The following NKAIN1 variants were observed in gnomAD, a reference collection of about 807,000 sequenced individuals.
NKAIN1 encodes sodium/potassium-transporting ATPase subunit beta-1-interacting protein 1.
Under a neutral mutation model 31.6 loss-of-function variants are expected in NKAIN1, and 13 were observed. The ratio of observed to expected loss-of-function variants is 0.41; its 90% confidence interval spans 0.27 to 0.65. The LOEUF is 0.65. Ranked by LOEUF, NKAIN1 falls within the 30% of genes least tolerant of loss-of-function variation. The pLI is 0.30. For missense variants in NKAIN1, 193 were observed against 262.2 expected, an observed-to-expected ratio of 0.74 and a Z score of 1.82; for synonymous variants, 104 against 109.0, an observed-to-expected ratio of 0.95 and a Z score of 0.28.
At chr1:31,229,815 G>A (rs1476395361) in intron 1 of NKAIN1, among the ~76,000 whole-genome samples, 1 of 152,152 alleles carries the variant, frequency 6.6e-6, no homozygotes, top group Non-Finnish European at 1.5e-5. Context: ...CACCTGGGAA[G>A]AGAAGGAGCT....
At chr1:31,209,266 T>C (rs894667168) in intron 1 of NKAIN1, among the ~76,000 whole-genome samples, 14 of 152,292 alleles carry the variant, frequency 9.2e-5, no homozygotes, top group Non-Finnish European at 2.1e-4. Flanking sequence ...TCCCAGCTAC[T>C]TGGGAGGCTG....
rs1460527554 is a variant in NKAIN1, at chr1:31,181,956, C to T, written c.533-15G>A. On this transcript the variant is annotated splice_polypyrimidine_tract_variant and intron_variant, in intron 5 of 6. Transcript: ENST00000373736. ...GATGAAGTCAACTGCGGAAGAGGGG[C>T]GGCGCATGTTAGGGATCGGCGGCGG... is the stretch of plus-strand genomic sequence containing the variant. 2 of 1,600,386 alleles carry T rather than the reference C, an allele frequency of 1.2e-6. No homozygotes were observed. The highest frequency in any genetic ancestry group is 1.8e-5 in the Admixed American group (1 of 57,098).
chr1:31,232,999 A>G (rs1382394727), intron 1 of NKAIN1, among the ~76,000 whole-genome samples: 1 of 152,066 alleles, frequency 6.6e-6, no homozygotes, highest in Admixed American at 6.6e-5. Context: ...GGTTTTCTCA[A>G]TCTGTATCAC....
chr1:31,226,856 C>T (rs547472156), intron 1 of NKAIN1, among the ~76,000 whole-genome samples: 75 of 151,924 alleles, frequency 4.9e-4, no homozygotes, highest in African/African-American at 1.7e-3. Flanking sequence ...TACAGTCTTG[C>T]TCTGTTGCCC....
In NKAIN1 at chr1:31,181,849, C is replaced by G; in HGVS notation, c.614+11G>C. 1 of 1,601,834 alleles carries G rather than the reference C, an allele frequency of 6.2e-7. No homozygotes were observed. The highest frequency in any genetic ancestry group is 8.5e-7 in the Non-Finnish European group (1 of 1,174,986). On this transcript the variant is annotated intron_variant, in intron 6 of 6. Coordinates refer to ENST00000373736, the MANE Select transcript of NKAIN1 (RefSeq NM_024522.3). ...CAGGCCTCCCCAAGCCAGCAGGGGGCCGTGACCCACGTGTACAGAGGCTGC... is the reference window on the plus strand; with the variant it reads ...CAGGCCTCCCCAAGCCAGCAGGGGGGCGTGACCCACGTGTACAGAGGCTGC...
rs1000961858 is a variant in NKAIN1, at chr1:31,182,689, G to C, written c.472-99C>G. On this transcript the variant is annotated intron_variant, in intron 4 of 6. Transcript: ENST00000373736. ...TACGCTCTGACTGGCAAGGGAGGAG[G>C]CATGCCAGGATGAAGGCAAACCGTA... 6.8e-6 allele frequency: 9 copies of C among 1,321,630 alleles called. No individual in the cohort carries two copies. In the African/African-American group the frequency reaches 1.2e-4, roughly 17 times the overall value. 81.9% of individuals were successfully genotyped at this position (1,321,630 alleles called of 1,614,324 possible). A position where few individuals can be genotyped will look rare whatever the true frequency, so the allele number is the denominator to read the frequency against.
intron 1 of NKAIN1, among the ~76,000 whole-genome samples, chr1:31,220,754 CAAA>C (rs772908877): frequency 6.8e-5 from 4 of 58,912 alleles, no homozygotes; most frequent in Admixed American, 2.1e-4. Flanking sequence ...ACTCCATCTC[CAAA>C]AAAAAAAAAA....
At chr1:31,208,629 TGG>T (rs202124168) in intron 1 of NKAIN1, among the ~76,000 whole-genome samples, 1 of 76,252 alleles carries the variant, frequency 1.3e-5, no homozygotes, top group East Asian at 3.3e-4. Flanking sequence ...CCCCACATAG[TGG>T]GGGGAGGGGG....
chr1:31,230,926 A>G (rs1242582827), intron 1 of NKAIN1, among the ~76,000 whole-genome samples: 1 of 131,314 alleles, frequency 7.6e-6, no homozygotes, highest in Non-Finnish European at 1.6e-5. Context: ...CTTGTTGCCC[A>G]GGCCGGAGTG....
rs546502426 is a variant in NKAIN1, at chr1:31,233,591, C to A, written c.54+5903G>T. 2.0e-5 allele frequency among the ~76,000 whole-genome samples: 3 copies of A among 152,272 alleles called. No homozygotes were observed. The South Asian group carries it at 6.2e-4, about 32-fold the overall frequency. ...AGCAGACACCAAACAAAAAGAAATT[C>A]TCATTATGTTAATTTCCCACTCAGC... On this transcript the variant is annotated intron_variant, in intron 1 of 6. Coordinates refer to ENST00000373736, the MANE Select transcript of NKAIN1 (RefSeq NM_024522.3). This position sits in a 1 kb window ranked among gnomAD's most constrained non-coding sequence, Gnocchi z 4.0.
intron 1 of NKAIN1, among the ~76,000 whole-genome samples, chr1:31,209,563 A>T (rs908566391): frequency 4.6e-5 from 7 of 152,056 alleles, no homozygotes; most frequent in African/African-American, 1.7e-4. Flanking sequence ...TCATGCCTGT[A>T]ATCCCAATGT....
intron 1 of NKAIN1, among the ~76,000 whole-genome samples, chr1:31,218,799 TGGG>T (rs774531003): frequency 6.6e-6 from 1 of 152,226 alleles, no homozygotes; most frequent in Non-Finnish European, 1.5e-5. Flanking sequence ...ATTCCCAGGC[TGGG>T]CCCCAGACAG....
chr1:31,193,727 A>G (rs1450244207), intron 1 of NKAIN1: 2 of 152,098 alleles, frequency 1.3e-5, no homozygotes, highest in African/African-American at 4.8e-5. Flanking sequence ...ACCAAGTCAA[A>G]TATTACAGGA....
At chr1:31,232,424 T>TATATATATATATATATATATATAG (rs1313157898) in intron 1 of NKAIN1, among the ~76,000 whole-genome samples, 1 of 16,924 alleles carries the variant, frequency 5.9e-5, no homozygotes, top group Non-Finnish European at 1.1e-4. Flanking sequence ...TATATATATA[T>TATATATATATATATATATATATAG]AGAGAGAGAG....
chr1:31,227,779 T>C (rs1645618907), intron 1 of NKAIN1, among the ~76,000 whole-genome samples: 1 of 152,160 alleles, frequency 6.6e-6, no homozygotes, highest in Non-Finnish European at 1.5e-5. Context: ...ACAAGACCTT[T>C]CATGGCCCCG....
chr1:31,209,754 T>C (rs2377714), intron 1 of NKAIN1, among the ~76,000 whole-genome samples: 113,779 of 151,806 alleles, frequency 0.75, 43,163 homozygotes, highest in Middle Eastern at 0.9. Flanking sequence ...GAGGTCAAGG[T>C]TGCAGTGAGC....
chr1:31,184,185 T>C (rs906332638), intron 3 of NKAIN1, among the ~76,000 whole-genome samples, 171 bp from the exon 4 acceptor site: 23 of 152,180 alleles, frequency 1.5e-4, no homozygotes, highest in African/African-American at 5.6e-4. Context: ...CTCACTCTTT[T>C]GTCACTGAGA....
intron 1 of NKAIN1, among the ~76,000 whole-genome samples, chr1:31,196,385 C>A (rs893898987): frequency 6.6e-6 from 1 of 151,878 alleles, no homozygotes; most frequent in African/African-American, 2.4e-5. Context: ...TGGTGGCGGG[C>A]GCCTGTAGTC....
chr1:31,238,596 C>T (rs72659275), intron 1 of NKAIN1, among the ~76,000 whole-genome samples: 4 of 152,286 alleles, frequency 2.6e-5, no homozygotes, highest in African/African-American at 4.8e-5. Flanking sequence ...GTCACTCCTC[C>T]CTGAGACAAG....
Sources: allele counts gnomAD v4.1 joint callset (sites outside exome capture counted in the v4.1 genomes callset), GRCh38; gene constraint gnomAD v4.1.1; non-coding constraint Gnocchi (gnomAD v3.1); transcripts MANE v1.5; gene names NCBI Gene and HGNC (gene_info 2026-07-23, HGNC 2026-07-21).